POLI: variants seen among roughly 807,000 people sequenced by gnomAD.
POLI encodes the protein RAD30 homolog B.
In POLI, 58 loss-of-function variants were observed where a neutral mutation model predicts 51.6. The observed-to-expected ratio is 1.12, with a 90% CI of 0.91 to 1.40. The LOEUF (loss-of-function observed/expected upper bound fraction) is 1.40, where lower values mean the gene tolerates loss of function less well. Among genes scored for constraint, POLI ranks in the 40% most tolerant of loss-of-function variants. The pLI is 0.00. For synonymous variants in POLI, 322 were observed against 299.7 expected, an observed-to-expected ratio of 1.07 and a Z score of -0.77; for missense variants, 921 against 871.3, an observed-to-expected ratio of 1.06 and a Z score of -0.72.
intron 6 of POLI, 24 bp downstream of exon 6, chr18:54,283,039 T>A: frequency 2.8e-6 from 4 of 1,415,010 alleles, no homozygotes; most frequent in Non-Finnish European, 3.9e-6. Context: ...CTTATTTTAA[T>A]TAAGTACTGG....
chr18:54,279,571 GTTGTTATCGT>G (rs2087406909), intron 4 of POLI, among the ~76,000 whole-genome samples: 1 of 152,068 alleles, frequency 6.6e-6, no homozygotes, highest in Non-Finnish European at 1.5e-5. Flanking sequence ...AGATAAACCA[GTTGTTATCGT>G]TTTGCCACAT....
At chr18:54,277,316 A>G (rs921519012) in intron 3 of POLI, among the ~76,000 whole-genome samples, 3 of 152,204 alleles carry the variant, frequency 2.0e-5, no homozygotes, top group Non-Finnish European at 4.4e-5. Flanking sequence ...GCTAAAATAT[A>G]CTATTACTTG....
Position 54,274,081 on chromosome 18 carries a change from A to G in POLI, c.397A>G (p.Lys133Glu), listed in dbSNP as rs773373846. Residue 133 changes from lysine (K) to glutamate (E), a missense_variant, in exon 3 of 10, where the codon AAG becomes GAG. By Grantham distance (56) the Lys-to-Glu change is moderately conservative (BLOSUM62 1). Transcript: ENST00000579534. ...DLTRYREMSY[K>E]VTELLEEFSP... ...GACCCGCTACAGAGAAATGTCTTAT[A>G]AGGTTACAGGTACAAATGATAAGCA... is the stretch of plus-strand genomic sequence containing the variant. 1.4e-6 allele frequency: 2 copies of G among 1,458,218 alleles called. No homozygotes were observed. Among genetic ancestry groups the G allele is most frequent in the Non-Finnish European group, 1.8e-6 (2 of 1,097,302 alleles). The allele number at this position is 1,458,218 out of a possible 1,614,324, so 90.3% of individuals were successfully genotyped here. A position where few individuals can be genotyped will look rare whatever the true frequency, so the allele number is the denominator to read the frequency against.
At chr18:54,272,085 A>G (rs2087030261) in intron 2 of POLI, 1 of 152,170 alleles carries the variant, frequency 6.6e-6, no homozygotes, top group African/African-American at 2.4e-5. Context: ...ATTTTCTTTC[A>G]TGCATGCAGG....
At position 54,284,072 on chromosome 18, in the gene POLI, G is replaced by A. The variant is rs140065995; in HGVS notation, c.1067+59G>A. The A allele has an allele frequency of 1.6e-4, 92 of 572,518 alleles. 1 individual carries two copies. Among genetic ancestry groups the A allele is most frequent in the African/African-American group, 1.5e-3 (80 of 52,570 alleles). 35.5% of individuals were successfully genotyped at this position (572,518 alleles called of 1,614,324 possible). ...TGTATTCATTCTATATACGGTATGTGGAAAGAATATTTGATGTTCCATCTT... is the reference window on the plus strand; with the variant it reads ...TGTATTCATTCTATATACGGTATGTAGAAAGAATATTTGATGTTCCATCTT... On this transcript the variant is annotated intron_variant, in intron 7 of 9. Coordinates refer to ENST00000579534, the MANE Select transcript of POLI (RefSeq NM_007195.3).
chr18:54,315,786 T>C (rs1018509046), intron 3 of POLI, among the ~76,000 whole-genome samples: 3 of 152,224 alleles, frequency 2.0e-5, no homozygotes, highest in Non-Finnish European at 4.4e-5. Flanking sequence ...CTATTCTTTT[T>C]TGTTTTCCAT....
rs1377636256 is a variant in POLI, at chr18:54,288,636, T to TG, written c.1198+1225_1198+1226insG. ...TGCTGCTCTGTTTATTTTTCTGTAG[T>TG]CTTTTTTTTTTTCCGTTTTTTCTTA... On this transcript the variant is annotated intron_variant, in intron 8 of 9. Coordinates refer to ENST00000579534, the MANE Select transcript of POLI (RefSeq NM_007195.3). 2.6e-5 allele frequency among the ~76,000 whole-genome samples: 4 copies of TG among 151,784 alleles called. No individual in the cohort carries two copies. In the East Asian group the frequency reaches 5.8e-4, roughly 22 times the overall value.
chr18:54,320,968 A>G (rs1188896728), intron 4 of POLI: 1 of 152,228 alleles, frequency 6.6e-6, no homozygotes, highest in African/African-American at 2.4e-5. Flanking sequence ...GGAAAATGAC[A>G]TTGATACTAC....
At position 54,297,289 on chromosome 18, in the gene POLI, TTG is replaced by T. The variant is rs971020553; in HGVS notation, c.*2824_*2825del. Reference sequence around the variant, plus strand: ...CTTTTGTTTCAGCTCGAGTTTGTTGTTGTTTTTTTTTTTTCCTGTTTCTGTCT... The same window carrying T: ...CTTTTGTTTCAGCTCGAGTTTGTTGTTTTTTTTTTTTTCCTGTTTCTGTCT... On this transcript the variant is annotated 3_prime_UTR_variant, in exon 10 of 10. Transcript: ENST00000579534. The T allele has an allele frequency of 9.1e-5, 90 of 984,928 alleles. No homozygotes were observed. The African/African-American group carries it at 1.5e-3, about 16-fold the overall frequency. The allele number at this position is 984,928 out of a possible 1,614,324, so 61.0% of individuals were successfully genotyped here. A position where few individuals can be genotyped will look rare whatever the true frequency, so the allele number is the denominator to read the frequency against.
At chr18:54,301,354 A>T (rs1211903015), downstream of POLI, among the ~76,000 whole-genome samples, 1 of 152,194 alleles carries the variant, frequency 6.6e-6, no homozygotes, top group Non-Finnish European at 1.5e-5. Flanking sequence ...AAAAATCAGT[A>T]AGGATACAGA....
intron 4 of POLI, among the ~76,000 whole-genome samples, chr18:54,280,190 G>A (rs559539075): frequency 6.6e-6 from 1 of 152,276 alleles, no homozygotes; most frequent in South Asian, 2.1e-4. Context: ...AAGAAAAAAA[G>A]GTTTATTTGG....
intron 5 of POLI, among the ~76,000 whole-genome samples, chr18:54,281,184 G>A (rs997512274): frequency 2.6e-5 from 4 of 152,126 alleles, no homozygotes; most frequent in Admixed American, 6.5e-5. Flanking sequence ...GAAACATATG[G>A]TCCTTTATTT....
chr18:54,273,101 A>T (rs2087078639), intron 2 of POLI, among the ~76,000 whole-genome samples: 1 of 151,992 alleles, frequency 6.6e-6, no homozygotes, highest in Non-Finnish European at 1.5e-5. Flanking sequence ...CAACTTGTAT[A>T]AAAAAAGAGC....
intron 3 of POLI, among the ~76,000 whole-genome samples, chr18:54,318,647 A>G (rs1341335651): frequency 6.6e-6 from 1 of 152,134 alleles, no homozygotes; most frequent in Non-Finnish European, 1.5e-5. Context: ...TTAAAAGTAT[A>G]TCTGCTTAAC....
At chr18:54,293,332 C>T (rs1453901068) in intron 9 of POLI, among the ~76,000 whole-genome samples, 8 of 151,498 alleles carry the variant, frequency 5.3e-5, no homozygotes, top group South Asian at 2.1e-4. Flanking sequence ...TTTTCTAGGC[C>T]GCCATTCTTT....
At position 54,294,403 on chromosome 18, in the gene POLI, T is replaced by C; in HGVS notation, c.2159T>C (p.Val720Ala). 1 of 1,612,960 alleles carries C rather than the reference T, an allele frequency of 6.2e-7. No individual in the cohort carries two copies. The highest frequency in any genetic ancestry group is 8.5e-7 in the Non-Finnish European group (1 of 1,179,458). Residue 720 changes from valine to alanine, a missense_variant, in exon 10 of 10, where the codon GTA becomes GCA. Coordinates refer to ENST00000579534, the MANE Select transcript of POLI (RefSeq NM_007195.3). The stretch of plus-strand genomic sequence containing the variant: ...GTTTTCTATGAACTACCAGAAGCAG[T>C]ACAAAAGGAACTGCTGGCAGAGTGG... ...PQVFYELPEA[V>A]QKELLAEWKR...
Position 54,287,638 on chromosome 18 carries a change from G to C in POLI, c.1198+227G>C, listed in dbSNP as rs1455888774. 5 of 328,914 alleles carry C rather than the reference G, an allele frequency of 1.5e-5. No homozygotes were observed. The East Asian group carries it at 3.2e-4, about 21-fold the overall frequency. The allele number at this position is 328,914 out of a possible 1,614,324, so 20.4% of individuals were successfully genotyped here. A position where few individuals can be genotyped will look rare whatever the true frequency, so the allele number is the denominator to read the frequency against. ...CTCTGCACCAAGGCTGAAGTGCAGTGGTGCTGTGATAGCTCACTGCAGCCT... is the reference window on the plus strand; with the variant it reads ...CTCTGCACCAAGGCTGAAGTGCAGTCGTGCTGTGATAGCTCACTGCAGCCT... On this transcript the variant is annotated intron_variant, in intron 8 of 9. Coordinates refer to ENST00000579534, the MANE Select transcript of POLI (RefSeq NM_007195.3).
intron 2 of POLI, 115 bp downstream of exon 2, chr18:54,271,600 A>G (rs1035959493): frequency 1.4e-6 from 1 of 715,660 alleles, no homozygotes; most frequent in African/African-American, 1.8e-5. Context: ...AGCAGTTCTT[A>G]CAGTGCTTTA....
At chr18:54,308,546 G>C (rs1048917338) in intron 3 of POLI, among the ~76,000 whole-genome samples, 4 of 151,720 alleles carry the variant, frequency 2.6e-5, no homozygotes, top group African/African-American at 9.7e-5. Flanking sequence ...TGGTGAATCT[G>C]ACAATTATGT....
Sources: gnomAD v4.1 joint callset for allele counts (sites outside exome capture counted in the v4.1 genomes callset) on GRCh38, gnomAD v4.1.1 for gene constraint, MANE v1.5 for transcripts, NCBI Gene and HGNC (gene_info 2026-07-23, HGNC 2026-07-21) for gene names.